The following TARBP1 variants were observed in gnomAD, a reference collection of about 807,000 sequenced individuals.
TARBP1 encodes the protein tRNA (guanosine(18)-2'-O)-methyltransferase TARBP1.
Under a neutral mutation model 178.6 loss-of-function variants are expected in TARBP1, and 144 were observed. That is an observed-to-expected ratio of 0.81 (90% CI 0.70 to 0.93). The LOEUF is 0.93. TARBP1 is among the 40% of genes least tolerant of loss of function. The pLI is 0.00. For missense variants in TARBP1, 2,067 were observed against 2,011.7 expected, an observed-to-expected ratio of 1.03 and a Z score of -0.53; for synonymous variants, 787 against 781.0, an observed-to-expected ratio of 1.01 and a Z score of -0.13.
intron 9 of TARBP1, among the ~76,000 whole-genome samples, chr1:234,451,278 A>C (rs1432434980): frequency 1.3e-5 from 2 of 152,222 alleles, no homozygotes; most frequent in Non-Finnish European, 2.9e-5. Flanking sequence ...CCTTTTTATA[A>C]TATCTGTCTT....
chr1:234,451,184 A>T (rs1666717988), intron 9 of TARBP1, among the ~76,000 whole-genome samples: 1 of 152,234 alleles, frequency 6.6e-6, no homozygotes, highest in Non-Finnish European at 1.5e-5. Flanking sequence ...GTTTGCAAAT[A>T]AAAGTCACAT....
intron 4 of TARBP1, among the ~76,000 whole-genome samples, chr1:234,466,626 G>T (rs1203731055): frequency 1.3e-5 from 2 of 152,130 alleles, no homozygotes; most frequent in African/African-American, 4.8e-5. Flanking sequence ...ACTTTGGGAG[G>T]CCAAGGCAGG....
intron 13 of TARBP1, among the ~76,000 whole-genome samples, chr1:234,436,594 G>C (rs1202085417): frequency 6.6e-6 from 1 of 152,120 alleles, no homozygotes; most frequent in African/African-American, 2.4e-5. Context: ...TCAAACAAAT[G>C]TATTAATATT....
intron 4 of TARBP1, among the ~76,000 whole-genome samples, chr1:234,466,567 A>AAAGAAG (rs71576428): frequency 0.52 from 77,931 of 150,802 alleles, 20,560 homozygotes; most frequent in East Asian, 0.65. Context: ...TTCTTTTAAA[A>AAAGAAG]AAGAAGAAGA....
At chr1:234,473,584 AC>A (rs1669280200) in intron 1 of TARBP1, among the ~76,000 whole-genome samples, 1 of 152,224 alleles carries the variant, frequency 6.6e-6, no homozygotes, top group Admixed American at 6.5e-5. Flanking sequence ...GCATCAGACA[AC>A]TGGAAGATGT....
chr1:234,455,109 A>C (rs1313525451), intron 9 of TARBP1, among the ~76,000 whole-genome samples: 1 of 152,224 alleles, frequency 6.6e-6, no homozygotes, highest in Non-Finnish European at 1.5e-5. Flanking sequence ...CCTACAAGGA[A>C]GCACAAGCCA....
chr1:234,407,021 G>A (rs1475804456), intron 23 of TARBP1: 1 of 152,162 alleles, frequency 6.6e-6, no homozygotes, highest in East Asian at 1.9e-4. Context: ...TCTCTGAGAA[G>A]GATAAAAACA....
intron 2 of TARBP1, among the ~76,000 whole-genome samples, 192 bp downstream of exon 2, chr1:234,472,522 T>A (rs916368537): frequency 2.6e-5 from 4 of 152,174 alleles, no homozygotes; most frequent in Admixed American, 6.5e-5. Context: ...ATTTGTCAAC[T>A]GAAAGTATTC....
chr1:234,417,916 G>C (rs1446030129), intron 22 of TARBP1, among the ~76,000 whole-genome samples, 168 bp downstream of exon 22: 1 of 152,096 alleles, frequency 6.6e-6, no homozygotes, highest in Non-Finnish European at 1.5e-5. Context: ...ATGAATGCCA[G>C]GGATTTCTGT....
At chr1:234,396,348 C>A (rs1659932919) in intron 26 of TARBP1, among the ~76,000 whole-genome samples, 1 of 152,220 alleles carries the variant, frequency 6.6e-6, no homozygotes, top group African/African-American at 2.4e-5. Flanking sequence ...TTCACAGTTG[C>A]TCTTCCTTTT....
intron 3 of TARBP1, among the ~76,000 whole-genome samples, chr1:234,470,966 T>C (rs1450452463): frequency 6.6e-6 from 1 of 152,066 alleles, no homozygotes; most frequent in African/African-American, 2.4e-5. Flanking sequence ...ATGCATATAG[T>C]TATTATGCTA....
intron 3 of TARBP1, 50 bp from the exon 4 acceptor site, chr1:234,467,700 C>T: frequency 6.7e-7 from 1 of 1,487,436 alleles, no homozygotes; most frequent in South Asian, 1.4e-5. Context: ...CTTCATTTCA[C>T]CATCAAGACT....
At chr1:234,423,573 C>T (rs1199770294) in intron 20 of TARBP1, among the ~76,000 whole-genome samples, 3 of 152,086 alleles carry the variant, frequency 2.0e-5, no homozygotes, top group Non-Finnish European at 4.4e-5. Context: ...GTCGAGGTGA[C>T]CAAGACAGCT....
rs1247251674 is a variant in TARBP1, at chr1:234,451,475, C to A, written c.1723-909G>T. Among the ~76,000 whole-genome samples, 5 of 34,628 alleles carry A rather than the reference C, an allele frequency of 1.4e-4. 1 individual carries two copies. The highest frequency in any genetic ancestry group is 8.9e-4 in the African/African-American group (3 of 3,368). 22.7% of individuals were successfully genotyped at this position (34,628 alleles called of 152,430 possible). A position where few individuals can be genotyped will look rare whatever the true frequency, so the allele number is the denominator to read the frequency against. On this transcript the variant is annotated intron_variant, in intron 9 of 29. Transcript: ENST00000040877. ...ATAAAACTGATGAATGGGCCGGGCG[C>A]GGTGGCTCACGCCTGTAATCCCAGC...
intron 7 of TARBP1, 84 bp from the exon 8 acceptor site, chr1:234,459,410 AC>A (rs1350174220): frequency 9.7e-7 from 1 of 1,032,398 alleles, no homozygotes; most frequent in Non-Finnish European, 1.5e-6. Flanking sequence ...TTGATTTATA[AC>A]AACTACACTT....
intron 1 of TARBP1, among the ~76,000 whole-genome samples, chr1:234,474,289 A>C (rs12130791): frequency 0.011 from 1,443 of 127,088 alleles, 10 homozygotes; most frequent in Non-Finnish European, 0.017. Flanking sequence ...CACACACACA[A>C]AGGGGACATT....
intron 25 of TARBP1, chr1:234,400,811 G>C (rs996746307): frequency 6.3e-6 from 1 of 158,046 alleles, no homozygotes; most frequent in African/African-American, 2.4e-5. Flanking sequence ...ATATCTTTTT[G>C]TTCTTTCATT....
At chr1:234,458,172 C>T (rs1432242968) in intron 8 of TARBP1, among the ~76,000 whole-genome samples, 1 of 152,088 alleles carries the variant, frequency 6.6e-6, no homozygotes, top group Non-Finnish European at 1.5e-5. Flanking sequence ...GGCAAAACCC[C>T]ATCTCTACTA....
intron 24 of TARBP1, among the ~76,000 whole-genome samples, chr1:234,403,868 G>A (rs574445300): frequency 1.2e-4 from 18 of 152,118 alleles, no homozygotes; most frequent in African/African-American, 4.3e-4. Context: ...ATTTTTAGTA[G>A]AGACAGACAG....
Sources: gnomAD v4.1 joint callset for allele counts (sites outside exome capture counted in the v4.1 genomes callset) on GRCh38, gnomAD v4.1.1 for gene constraint, MANE v1.5 for transcripts, NCBI Gene and HGNC (gene_info 2026-07-23, HGNC 2026-07-21) for gene names.